The following AFF3 variants were observed in gnomAD, a reference collection of about 807,000 sequenced individuals.
AFF3 encodes the protein AF4/FMR2 family member 3.
A neutral mutation model predicts 129.7 loss-of-function variants in AFF3; 32 were observed. The ratio of observed to expected loss-of-function variants is 0.25; its 90% confidence interval spans 0.19 to 0.33. The LOEUF is 0.33. AFF3 is among the 10% of genes least tolerant of loss of function. The pLI is 1.00. For synonymous variants in AFF3, 644 were observed against 635.4 expected, an observed-to-expected ratio of 1.01 and a Z score of -0.20; for missense variants, 1,373 against 1,592.0, an observed-to-expected ratio of 0.86 and a Z score of 2.34.
chr2:100,072,315 T>C (rs1048582982), intron 4 of AFF3, among the ~76,000 whole-genome samples: 6 of 152,202 alleles, frequency 3.9e-5, no homozygotes, highest in Non-Finnish European at 7.3e-5. Flanking sequence ...GCTCTCTTTA[T>C]GAAAATCTAA....
At chr2:99,573,740 G>A (rs73964165) in intron 18 of AFF3, among the ~76,000 whole-genome samples, 3,409 of 152,272 alleles carry the variant, frequency 0.022, 124 homozygotes, top group African/African-American at 0.077. Context: ...CCTCACTGTC[G>A]GGAGGTTCAG....
At chr2:99,584,847 C>T (rs567150905) in intron 16 of AFF3, among the ~76,000 whole-genome samples, 87 of 152,256 alleles carry the variant, frequency 5.7e-4, no homozygotes, top group African/African-American at 1.7e-3. Context: ...TGGTTATCAC[C>T]GCAAAGAAGC....
intron 2 of AFF3, among the ~76,000 whole-genome samples, chr2:100,108,908 CTTTTTTTTTTTTTT>C (rs34769933): frequency 4.5e-5 from 4 of 88,108 alleles, no homozygotes; most frequent in African/African-American, 4.3e-5. Flanking sequence ...CATTTCTTTC[CTTTTTTTTTTTTTT>C]TTTTTTTTTT....
chr2:99,614,260 A>G (rs1216372805), intron 13 of AFF3, among the ~76,000 whole-genome samples: 1 of 152,246 alleles, frequency 6.6e-6, no homozygotes, highest in Admixed American at 6.5e-5. Context: ...AACCTGCCAC[A>G]TTTAGCAGAG....
chr2:100,108,212 T>C (rs1691386482), intron 2 of AFF3, among the ~76,000 whole-genome samples: 1 of 152,218 alleles, frequency 6.6e-6, no homozygotes, highest in Non-Finnish European at 1.5e-5. Context: ...CTAGGCTTTC[T>C]CCTTGCAAAT....
intron 20 of AFF3, among the ~76,000 whole-genome samples, chr2:99,564,216 C>T (rs760612581): frequency 6.6e-6 from 1 of 152,146 alleles, no homozygotes; most frequent in Non-Finnish European, 1.5e-5. Context: ...TCAGACAAAA[C>T]CCAAAAAACT....
intron 7 of AFF3, among the ~76,000 whole-genome samples, chr2:99,854,657 T>C (rs1198652889): frequency 6.6e-6 from 1 of 152,202 alleles, no homozygotes; most frequent in Non-Finnish European, 1.5e-5. Flanking sequence ...GGTAAATCTC[T>C]GGTCTAGAGT....
intron 8 of AFF3, among the ~76,000 whole-genome samples, chr2:99,786,082 G>C (rs1054232299): frequency 6.6e-6 from 1 of 152,208 alleles, no homozygotes; most frequent in Non-Finnish European, 1.5e-5. Flanking sequence ...GTCTCTGCCT[G>C]ATGCCCCATG....
chr2:99,747,591 C>A (rs916879011), intron 9 of AFF3, among the ~76,000 whole-genome samples: 1 of 152,092 alleles, frequency 6.6e-6, no homozygotes, highest in African/African-American at 2.4e-5. Context: ...GGATTACAAA[C>A]CATAAGATCA....
intron 13 of AFF3, among the ~76,000 whole-genome samples, chr2:99,617,297 C>T (rs1681534904): frequency 6.6e-6 from 1 of 152,348 alleles, no homozygotes; most frequent in Non-Finnish European, 1.5e-5. Flanking sequence ...TCTAACTTCT[C>T]CACATGCTTG....
intron 7 of AFF3, among the ~76,000 whole-genome samples, chr2:99,900,147 C>T (rs1316577213): frequency 2.0e-5 from 3 of 152,064 alleles, no homozygotes; most frequent in Non-Finnish European, 4.4e-5. Flanking sequence ...TGTAACTTAC[C>T]ATGAGAAATT....
At chr2:99,725,118 G>A (rs572772552) in intron 11 of AFF3, among the ~76,000 whole-genome samples, 97 of 151,940 alleles carry the variant, frequency 6.4e-4, no homozygotes, top group African/African-American at 2.0e-3. Flanking sequence ...TTACAGGCAC[G>A]CGCCACCATG....
intron 7 of AFF3, among the ~76,000 whole-genome samples, chr2:99,973,625 T>C (rs1388588350): frequency 6.6e-6 from 1 of 152,204 alleles, no homozygotes; most frequent in Non-Finnish European, 1.5e-5. Context: ...CCATACTGCA[T>C]AAGCTCCAAT....
chr2:100,028,967 C>G (rs2104938270), intron 4 of AFF3, among the ~76,000 whole-genome samples: 1 of 152,304 alleles, frequency 6.6e-6, no homozygotes, highest in Non-Finnish European at 1.5e-5. Context: ...TCTACACCCC[C>G]ACGTCCACAG....
At chr2:99,746,534 A>G (rs967458937) in intron 9 of AFF3, among the ~76,000 whole-genome samples, 4 of 152,218 alleles carry the variant, frequency 2.6e-5, no homozygotes, top group African/African-American at 9.7e-5. Context: ...TCTTTCAATT[A>G]TGGTAATAAT....
chr2:100,016,603 T>C (rs1382322058), intron 4 of AFF3, among the ~76,000 whole-genome samples: 5 of 147,608 alleles, frequency 3.4e-5, no homozygotes, highest in African/African-American at 5.2e-5. Context: ...GTGGTGGTGG[T>C]AGTGGTGGTA....
At chr2:99,935,876 C>A (rs111736106) in intron 7 of AFF3, among the ~76,000 whole-genome samples, 1 of 152,080 alleles carries the variant, frequency 6.6e-6, no homozygotes, top group Admixed American at 6.5e-5. Flanking sequence ...GAGTCCCCAG[C>A]GACATGGAGG....
At chr2:100,140,826 C>T (rs1692836272) in intron 1 of AFF3, among the ~76,000 whole-genome samples, 2 of 152,150 alleles carry the variant, frequency 1.3e-5, no homozygotes, top group African/African-American at 4.8e-5. Context: ...CACTACTTGT[C>T]TGTAGCTACA....
intron 7 of AFF3, among the ~76,000 whole-genome samples, chr2:99,891,348 G>A (rs1303535051): frequency 6.6e-6 from 1 of 152,148 alleles, no homozygotes; most frequent in East Asian, 1.9e-4. Flanking sequence ...CAGCAGGCCA[G>A]GCTTTTGCTG....
Sources: gnomAD v4.1 joint callset for allele counts (sites outside exome capture counted in the v4.1 genomes callset) on GRCh38, gnomAD v4.1.1 for gene constraint, MANE v1.5 for transcripts, NCBI Gene and HGNC (gene_info 2026-07-23, HGNC 2026-07-21) for gene names.